Variants in TMEM132D observed in about 807,000 individuals in gnomAD.
The protein encoded by TMEM132D is mature OL transmembrane protein.
Under a neutral mutation model 62.3 loss-of-function variants are expected in TMEM132D, and 21 were observed. The observed-to-expected ratio is 0.34, with a 90% CI of 0.24 to 0.49. TMEM132D has a LOEUF of 0.49. TMEM132D is among the 20% of genes least tolerant of loss of function. The pLI is 0.99. For missense variants in TMEM132D, 1,346 were observed against 1,402.8 expected, an observed-to-expected ratio of 0.96 and a Z score of 0.65; for synonymous variants, 621 against 575.6, an observed-to-expected ratio of 1.08 and a Z score of -1.13.
chr12:129,177,919 C>A (rs1051852394), intron 5 of TMEM132D, among the ~76,000 whole-genome samples: 1 of 152,148 alleles, frequency 6.6e-6, no homozygotes, highest in Non-Finnish European at 1.5e-5. Context: ...TGCTCTGCCT[C>A]CTCCCTCTGC....
At position 129,480,027 on chromosome 12, in the gene TMEM132D, T is replaced by G. The variant is rs1265614721; in HGVS notation, c.1115+51032A>C. Among the ~76,000 whole-genome samples, 281 of 99,814 alleles carry G rather than the reference T, an allele frequency of 2.8e-3. 3 individuals are homozygous for G. In the East Asian group the frequency reaches 0.036, roughly 13 times the overall value. 65.5% of individuals were successfully genotyped at this position (99,814 alleles called of 152,430 possible). ...GAAAGTTCTCACTGTGTCCTAGAGA[T>G]TTGAAGAAAGTTCTCACTGTGTCCT... On this transcript the variant is annotated intron_variant, in intron 3 of 8. Transcript: ENST00000422113.
At chr12:129,460,939 G>A (rs150092866) in intron 3 of TMEM132D, among the ~76,000 whole-genome samples, 26 of 152,162 alleles carry the variant, frequency 1.7e-4, no homozygotes, top group Non-Finnish European at 2.8e-4. Flanking sequence ...GGAAGCAAAT[G>A]TGTGACTGCA....
intron 5 of TMEM132D, among the ~76,000 whole-genome samples, chr12:129,105,742 G>A (rs1229590532): frequency 6.6e-6 from 1 of 151,286 alleles, no homozygotes; most frequent in Non-Finnish European, 1.5e-5. Context: ...AGTTAGGATG[G>A]CAATCATTAA....
At chr12:129,536,999 A>G (rs1226071973) in intron 2 of TMEM132D, among the ~76,000 whole-genome samples, 1 of 151,990 alleles carries the variant, frequency 6.6e-6, no homozygotes, top group Non-Finnish European at 1.5e-5. Context: ...TCTACTAAAA[A>G]TACAAAATTA....
At chr12:129,729,747 G>A (rs1869160680) in intron 1 of TMEM132D, among the ~76,000 whole-genome samples, 1 of 152,162 alleles carries the variant, frequency 6.6e-6, no homozygotes, top group Non-Finnish European at 1.5e-5. Context: ...TGGTTAGGGT[G>A]TACACTGAAT....
At chr12:129,815,110 T>C (rs947810180) in intron 1 of TMEM132D, among the ~76,000 whole-genome samples, 1 of 152,222 alleles carries the variant, frequency 6.6e-6, no homozygotes, top group Admixed American at 6.5e-5. Flanking sequence ...GTCGTAACAA[T>C]ATTTTAAGAT....
At chr12:129,281,518 T>A (rs1881151534) in intron 4 of TMEM132D, among the ~76,000 whole-genome samples, 1 of 152,044 alleles carries the variant, frequency 6.6e-6, no homozygotes, top group Admixed American at 6.6e-5. Context: ...CAGAGGCTTG[T>A]TCGTGAATTC....
intron 3 of TMEM132D, among the ~76,000 whole-genome samples, chr12:129,469,365 G>GT (rs1263455806): frequency 2.0e-5 from 3 of 152,070 alleles, no homozygotes; most frequent in Admixed American, 2.0e-4. Flanking sequence ...TGTGCCCCCC[G>GT]TGTCACCTGG....
intron 3 of TMEM132D, among the ~76,000 whole-genome samples, chr12:129,352,708 G>A (rs1869908712): frequency 6.6e-6 from 1 of 152,140 alleles, no homozygotes; most frequent in Non-Finnish European, 1.5e-5. Context: ...AAACCACAAT[G>A]AGATACCATC....
intron 3 of TMEM132D, among the ~76,000 whole-genome samples, chr12:129,493,869 C>T (rs1288562477): frequency 6.6e-6 from 1 of 152,170 alleles, no homozygotes; most frequent in Non-Finnish European, 1.5e-5. Flanking sequence ...CAATTCTCCA[C>T]CCGGGTTTGC....
intron 2 of TMEM132D, among the ~76,000 whole-genome samples, chr12:129,647,077 G>A (rs1228026495): frequency 6.6e-6 from 1 of 151,148 alleles, no homozygotes; most frequent in African/African-American, 2.4e-5. Context: ...TGAGATTACA[G>A]GGGTGAGCCA....
chr12:129,518,447 A>C (rs551032126), intron 3 of TMEM132D, among the ~76,000 whole-genome samples: 4 of 151,910 alleles, frequency 2.6e-5, no homozygotes, highest in Admixed American at 1.3e-4. Context: ...TCACAATTTC[A>C]CTGTTATTAA....
rs1451001704 is a variant in TMEM132D, at chr12:129,487,938, A to C, written c.1115+43121T>G. The stretch of plus-strand genomic sequence containing the variant: ...GGCAACAGAGGGAGACTCCATCTCA[A>C]AAAAAAAAAAAAAAAAAAAAAAAAA... On this transcript the variant is annotated intron_variant, in intron 3 of 8. Coordinates refer to ENST00000422113, the MANE Select transcript of TMEM132D (RefSeq NM_133448.3). 1.2e-4 allele frequency among the ~76,000 whole-genome samples: 3 copies of C among 24,424 alleles called. No individual in the cohort carries two copies. In the South Asian group the frequency reaches 4.1e-3, roughly 33 times the overall value. The allele number at this position is 24,424 out of a possible 152,430, so 16.0% of individuals were successfully genotyped here.
chr12:129,098,158 C>T (rs1440431652), intron 5 of TMEM132D, among the ~76,000 whole-genome samples: 7 of 152,126 alleles, frequency 4.6e-5, no homozygotes, highest in South Asian at 2.1e-4. Flanking sequence ...CCTGGAAAAC[C>T]GTAATAGCCA....
chr12:129,772,913 G>A (rs1247328686), intron 1 of TMEM132D, among the ~76,000 whole-genome samples: 2 of 152,234 alleles, frequency 1.3e-5, no homozygotes, highest in Non-Finnish European at 2.9e-5. Context: ...GAGGAATGGA[G>A]AAGACATAGA....
intron 4 of TMEM132D, among the ~76,000 whole-genome samples, chr12:129,333,683 C>G (rs1353795487): frequency 6.6e-6 from 1 of 152,192 alleles, no homozygotes; most frequent in Non-Finnish European, 1.5e-5. Context: ...GGGCATCTGG[C>G]TCCTGGAATA....
At chr12:129,132,078 G>GT (rs1405722101) in intron 5 of TMEM132D, among the ~76,000 whole-genome samples, 3 of 152,048 alleles carry the variant, frequency 2.0e-5, no homozygotes, top group Non-Finnish European at 4.4e-5. Context: ...CCACCTCACT[G>GT]TTTTTTTATT....
intron 7 of TMEM132D, among the ~76,000 whole-genome samples, chr12:129,081,545 G>C (rs527875259): frequency 1.3e-5 from 2 of 151,998 alleles, no homozygotes; most frequent in African/African-American, 4.8e-5. Context: ...TGACCTGCCC[G>C]CCTCGGCCTC....
At chr12:129,378,974 G>C (rs1032524661) in intron 3 of TMEM132D, among the ~76,000 whole-genome samples, 8 of 152,098 alleles carry the variant, frequency 5.3e-5, no homozygotes, top group African/African-American at 1.9e-4. Flanking sequence ...CAGGAAGGGG[G>C]GGACACTTAA....
Sources: allele counts gnomAD v4.1 joint callset (sites outside exome capture counted in the v4.1 genomes callset), GRCh38; gene constraint gnomAD v4.1.1; transcripts MANE v1.5; gene names NCBI Gene and HGNC (gene_info 2026-07-23, HGNC 2026-07-21).